The following RANBP17 variants were observed in gnomAD, a reference collection of about 807,000 sequenced individuals.
The protein encoded by RANBP17 is RAN binding protein 17, also known as ran-binding protein 17.
In RANBP17, 158 loss-of-function variants were observed where a neutral mutation model predicts 141.2. The ratio of observed to expected loss-of-function variants is 1.12; its 90% CI spans 0.98 to 1.28. The LOEUF is 1.28. Among genes scored for constraint, RANBP17 ranks in the 50% most tolerant of loss-of-function variants. The pLI is 0.00. For synonymous variants in RANBP17, 430 were observed against 450.0 expected, an observed-to-expected ratio of 0.96 and a Z score of 0.56; for missense variants, 1,438 against 1,290.7, an observed-to-expected ratio of 1.11 and a Z score of -1.75.
chr5:171,297,458 C>T (rs1383737315), intron 27 of RANBP17, among the ~76,000 whole-genome samples: 1 of 152,220 alleles, frequency 6.6e-6, no homozygotes, highest in South Asian at 2.1e-4. Context: ...ATTTGAAATG[C>T]AAATCATCAG....
intron 24 of RANBP17, among the ~76,000 whole-genome samples, chr5:171,254,603 A>G (rs929939075): frequency 6.6e-6 from 1 of 152,194 alleles, no homozygotes; most frequent in African/African-American, 2.4e-5. Flanking sequence ...TGTGTTTGCT[A>G]AGACTTTATT....
At chr5:170,912,975 T>G (rs1461567799) in intron 7 of RANBP17, among the ~76,000 whole-genome samples, 1 of 151,890 alleles carries the variant, frequency 6.6e-6, no homozygotes. Flanking sequence ...AAGAAAAAAG[T>G]AAGTCTCCTC....
intron 14 of RANBP17, among the ~76,000 whole-genome samples, chr5:171,111,758 A>T (rs973498088): frequency 1.3e-5 from 2 of 152,210 alleles, no homozygotes; most frequent in African/African-American, 4.8e-5. Context: ...TCTTCTCTGC[A>T]TTAGGTATTC....
intron 14 of RANBP17, among the ~76,000 whole-genome samples, chr5:171,169,827 G>A (rs892824012): frequency 1.3e-5 from 2 of 151,830 alleles, no homozygotes; most frequent in Admixed American, 6.6e-5. Flanking sequence ...CTTCCAGAAA[G>A]GGGTGGTCTA....
At chr5:171,004,476 C>T (rs1485970557) in intron 14 of RANBP17, among the ~76,000 whole-genome samples, 2 of 152,066 alleles carry the variant, frequency 1.3e-5, no homozygotes, top group African/African-American at 2.4e-5. Flanking sequence ...GCCATCAATA[C>T]CCACAACAGT....
rs1385261423 is a variant in RANBP17 at position 171,158,409 on chromosome 5, A to G, written c.1711-11721A>G. 3.6e-5 allele frequency: 7 copies of G among 193,112 alleles called. No individual in the cohort carries two copies. In the East Asian group the frequency reaches 4.0e-4, roughly 11 times the overall value. The allele number at this position is 193,112 out of a possible 1,614,324, so 12.0% of individuals were successfully genotyped here. A position where few individuals can be genotyped will look rare whatever the true frequency, so the allele number is the denominator to read the frequency against. On this transcript the variant is annotated intron_variant, in intron 14 of 27. Coordinates refer to ENST00000523189, the MANE Select transcript of RANBP17 (RefSeq NM_022897.5). The stretch of plus-strand genomic sequence containing the variant: ...TGTTTAAGCAAGTTGGCTTTGAAAC[A>G]AGTTTCTCCTATGTGAATTGCATTT...
chr5:171,011,307 T>C (rs1780017615), intron 14 of RANBP17, among the ~76,000 whole-genome samples: 1 of 152,108 alleles, frequency 6.6e-6, no homozygotes, highest in Non-Finnish European at 1.5e-5. Context: ...ATCCAATTTA[T>C]TATCAGAAAT....
chr5:171,201,981 C>T (rs1762323524), intron 19 of RANBP17, among the ~76,000 whole-genome samples: 1 of 152,146 alleles, frequency 6.6e-6, no homozygotes, highest in South Asian at 2.1e-4. Context: ...TATGAAAATG[C>T]CGCAGGACTG....
rs1190943881 is a variant in RANBP17, at chr5:171,058,989, A to G, written c.1710+90612A>G. Among the ~76,000 whole-genome samples, 164 of 148,450 alleles carry G rather than the reference A, an allele frequency of 1.1e-3. 1 individual carries two copies. The highest frequency in any genetic ancestry group is 3.7e-3 in the African/African-American group (151 of 40,588). The stretch of plus-strand genomic sequence containing the variant: ...TGAGAAGTGTCTGTTCATGTCCTTC[A>G]CCCACTTTTTGATGGAGTTGTTTTT... On this transcript the variant is annotated intron_variant, in intron 14 of 27. Transcript: ENST00000523189.
chr5:171,240,050 C>T (rs1764770418), intron 22 of RANBP17, among the ~76,000 whole-genome samples: 1 of 152,124 alleles, frequency 6.6e-6, no homozygotes, highest in Non-Finnish European at 1.5e-5. Flanking sequence ...GTGTAAGCCA[C>T]TATATTATAC....
At chr5:171,063,277 C>T (rs1784041991) in intron 14 of RANBP17, among the ~76,000 whole-genome samples, 1 of 152,106 alleles carries the variant, frequency 6.6e-6, no homozygotes, top group African/African-American at 2.4e-5. Flanking sequence ...TGTTTTTTCC[C>T]CATCTTTGTG....
intron 14 of RANBP17, among the ~76,000 whole-genome samples, chr5:171,137,569 G>C (rs888611371): frequency 1.2e-5 from 1 of 81,400 alleles, no homozygotes; most frequent in Non-Finnish European, 2.8e-5. Context: ...CTGTTGACTT[G>C]AGATGTGTGT....
chr5:170,999,838 A>G (rs1581358075), intron 14 of RANBP17, among the ~76,000 whole-genome samples: 1 of 152,124 alleles, frequency 6.6e-6, no homozygotes, highest in East Asian at 1.9e-4. Flanking sequence ...CATCACCACC[A>G]TTCATCTCCA....
chr5:170,914,916 CAT>C (rs1262140634), intron 8 of RANBP17, among the ~76,000 whole-genome samples: 10 of 152,110 alleles, frequency 6.6e-5, no homozygotes, highest in African/African-American at 2.4e-4. Flanking sequence ...TTCTGAAAAA[CAT>C]ATTGCATATT....
intron 14 of RANBP17, among the ~76,000 whole-genome samples, chr5:171,133,654 C>T (rs1757082085): frequency 6.6e-6 from 1 of 152,182 alleles, no homozygotes; most frequent in African/African-American, 2.4e-5. Flanking sequence ...CCCATGTGGG[C>T]ATAGGCTACC....
chr5:170,958,983 A>T (rs1228628842), intron 13 of RANBP17, among the ~76,000 whole-genome samples: 2 of 152,198 alleles, frequency 1.3e-5, no homozygotes, highest in East Asian at 3.9e-4. Flanking sequence ...TGCAATTTTT[A>T]AAATTTTTGC....
At chr5:171,241,993 CT>C (rs558135873) in intron 23 of RANBP17, among the ~76,000 whole-genome samples, 551 of 142,434 alleles carry the variant, frequency 3.9e-3, no homozygotes, top group Non-Finnish European at 3.8e-3. Flanking sequence ...CTCTTTTTTT[CT>C]TTTTTTTTTT....
intron 14 of RANBP17, among the ~76,000 whole-genome samples, chr5:171,140,124 A>G (rs972011737): frequency 1.1e-4 from 17 of 151,988 alleles, no homozygotes; most frequent in African/African-American, 3.9e-4. Flanking sequence ...TCATCTCCTC[A>G]TGGAAGCCCT....
At position 170,924,482 on chromosome 5, in the gene RANBP17, A is replaced by G. The variant is rs546881241; in HGVS notation, c.1400A>G (p.Asn467Ser). ...CTTCTTGTGCAGTTATTCGACCAAA[A>G]TGCACAGAATTACCAAAAACTTCTG... ...CALLVQLFDQ[N>S]AQNYQKLLHP... Residue 467 changes from asparagine (N) to serine (S), a missense_variant, in exon 12 of 28, where the codon AAT (asparagine) becomes AGT (serine). Coordinates refer to ENST00000523189, the MANE Select transcript of RANBP17 (RefSeq NM_022897.5). 1.2e-6 allele frequency: 2 copies of G among 1,613,228 alleles called. No homozygotes were observed. Among genetic ancestry groups the G allele is most frequent in the Admixed American group, 3.3e-5 (2 of 60,026 alleles).
Sources: gnomAD v4.1 joint callset for allele counts (sites outside exome capture counted in the v4.1 genomes callset) on GRCh38, gnomAD v4.1.1 for gene constraint, MANE v1.5 for transcripts, NCBI Gene and HGNC (gene_info 2026-07-23, HGNC 2026-07-21) for gene names.